RORB: variants seen among roughly 807,000 people sequenced by gnomAD.
The protein encoded by RORB is nuclear receptor ROR-beta.
Under a neutral mutation model 59.1 loss-of-function variants are expected in RORB, and 6 were observed. The ratio of observed to expected loss-of-function variants is 0.10; its 90% CI spans 0.06 to 0.20. The LOEUF (loss-of-function observed/expected upper bound fraction) is 0.20. Among genes scored for constraint, RORB ranks in the 10% least tolerant of loss-of-function variants. The probability of loss-of-function intolerance (pLI) is 1.00; values close to 1 mark genes in which losing one functional copy is unlikely to be tolerated. For missense variants in RORB, 320 were observed against 560.5 expected (o/e 0.57, Z 4.33); for synonymous variants, 215 against 204.5 (o/e 1.05, Z -0.44).
intron 1 of RORB, among the ~76,000 whole-genome samples, chr9:74,540,757 C>T (rs1033866003): frequency 6.6e-6 from 1 of 152,056 alleles, no homozygotes; most frequent in African/African-American, 2.4e-5. Flanking sequence ...CTTTTAGAAA[C>T]AATGCTTCAT....
chr9:74,641,802 G>A (rs1823811413), intron 3 of RORB, among the ~76,000 whole-genome samples: 1 of 152,044 alleles, frequency 6.6e-6, no homozygotes, highest in Admixed American at 6.5e-5. Context: ...AGCTACTCAG[G>A]AGGCCAAGGT....
At chr9:74,640,033 C>T (rs1240090027) in intron 3 of RORB, among the ~76,000 whole-genome samples, 1 of 152,138 alleles carries the variant, frequency 6.6e-6, no homozygotes, top group Admixed American at 6.5e-5. Flanking sequence ...AAGGTAGTGT[C>T]TCTACAAACA....
intron 1 of RORB, among the ~76,000 whole-genome samples, chr9:74,550,320 G>A (rs1826587216): frequency 6.6e-6 from 1 of 152,134 alleles, no homozygotes; most frequent in South Asian, 2.1e-4. Context: ...TTTTGGGAAA[G>A]ACACACTTTT....
At chr9:74,573,961 G>C (rs1042107754) in intron 1 of RORB, among the ~76,000 whole-genome samples, 1 of 152,078 alleles carries the variant, frequency 6.6e-6, no homozygotes, top group Non-Finnish European at 1.5e-5. Context: ...GTTTCAGTAA[G>C]GCTAGAGGCA....
chr9:74,509,323 TA>T (rs1483460575), intron 1 of RORB, among the ~76,000 whole-genome samples: 2 of 152,094 alleles, frequency 1.3e-5, no homozygotes, highest in Non-Finnish European at 2.9e-5. Context: ...TTTCCATAAT[TA>T]TTCCCTGGAA....
intron 1 of RORB, among the ~76,000 whole-genome samples, chr9:74,567,097 G>A (rs892715665): frequency 2.6e-5 from 4 of 151,320 alleles, no homozygotes; most frequent in African/African-American, 7.3e-5. Flanking sequence ...GCGTGATCTC[G>A]GCTCACTACA....
At chr9:74,509,188 G>A (rs191201809) in intron 1 of RORB, among the ~76,000 whole-genome samples, 280 of 151,998 alleles carry the variant, frequency 1.8e-3, no homozygotes, top group African/African-American at 6.6e-3. Flanking sequence ...AATGATAATG[G>A]CATTTACCAA....
chr9:74,543,513 C>T (rs1826444480), intron 1 of RORB, among the ~76,000 whole-genome samples: 1 of 152,138 alleles, frequency 6.6e-6, no homozygotes, highest in East Asian at 1.9e-4. Flanking sequence ...TATTCTAGCC[C>T]TGACTTCAGG....
chr9:74,657,626 G>A (rs188673627), intron 4 of RORB, among the ~76,000 whole-genome samples: 18 of 152,210 alleles, frequency 1.2e-4, no homozygotes, highest in African/African-American at 4.3e-4. Flanking sequence ...GACTAAGTTA[G>A]CCACTTTCTT....
chr9:74,585,783 G>GATATTTATTTATTTATTTATTTAT (rs1822788962), intron 1 of RORB, among the ~76,000 whole-genome samples: 1 of 33,884 alleles, frequency 3.0e-5, no homozygotes, highest in Non-Finnish European at 8.2e-5. Context: ...TTTCACAGGG[G>GATATTTATTTATTTATTTATTTAT]ATATTTATTT....
In RORB at chr9:74,555,750, A is replaced by G. The variant is rs79428902; in HGVS notation, c.7+57767A>G. ...GGGCTCAGGGGTTGGCAGCAGCTGC[A>G]AATAAGAACTAATAATGTTTCATTC... On this transcript the variant is annotated intron_variant, in intron 1 of 9. Transcript: ENST00000376896. Among the ~76,000 whole-genome samples, 124 of 152,320 alleles carry G rather than the reference A, an allele frequency of 8.1e-4. 3 individuals carry two copies. In the East Asian group the frequency reaches 0.019, roughly 23 times the overall value.
At chr9:74,576,292 C>G (rs1587366622) in intron 1 of RORB, among the ~76,000 whole-genome samples, 1 of 152,042 alleles carries the variant, frequency 6.6e-6, no homozygotes, top group South Asian at 2.1e-4. Flanking sequence ...CCATGTACAC[C>G]CATCCTGGCT....
chr9:74,579,403 C>A (rs1455346086), intron 1 of RORB, among the ~76,000 whole-genome samples: 1 of 152,008 alleles, frequency 6.6e-6, no homozygotes, highest in East Asian at 1.9e-4. Flanking sequence ...AAGTTGCTGG[C>A]AGCATCTTTG....
At chr9:74,597,341 A>G (rs1157336366) in intron 1 of RORB, among the ~76,000 whole-genome samples, 1 of 152,248 alleles carries the variant, frequency 6.6e-6, no homozygotes, top group Non-Finnish European at 1.5e-5. Flanking sequence ...TCTTGGCTCT[A>G]TAACTGAAAA....
chr9:74,657,202 T>G (rs1391252057), intron 4 of RORB, among the ~76,000 whole-genome samples: 1 of 152,032 alleles, frequency 6.6e-6, no homozygotes, highest in South Asian at 2.1e-4. Flanking sequence ...CCCGCCACCA[T>G]GCCCAGCTAA....
chr9:74,641,212 T>G (rs1341866019), intron 3 of RORB, among the ~76,000 whole-genome samples: 1 of 144,964 alleles, frequency 6.9e-6, no homozygotes, highest in Non-Finnish European at 1.5e-5. Flanking sequence ...TGACTCAGGA[T>G]GTTCACATCC....
chr9:74,679,023 C>T (rs1220141839), intron 9 of RORB, among the ~76,000 whole-genome samples: 7 of 136,156 alleles, frequency 5.1e-5, no homozygotes, highest in African/African-American at 1.2e-4. Context: ...CAGAACAAGA[C>T]TCTGTCTCAA....
At chr9:74,623,237 G>T (rs1019594629) in intron 1 of RORB, among the ~76,000 whole-genome samples, 1 of 152,130 alleles carries the variant, frequency 6.6e-6, no homozygotes, top group East Asian at 1.9e-4. Flanking sequence ...AGCCACAACC[G>T]CAAGAGTGAG....
chr9:74,584,342 C>A (rs1213457982), intron 1 of RORB, among the ~76,000 whole-genome samples: 3 of 152,224 alleles, frequency 2.0e-5, no homozygotes, highest in Non-Finnish European at 2.9e-5. Flanking sequence ...TAACCTTGGG[C>A]AAAATATTTA....
Sources: allele counts gnomAD v4.1 joint callset (sites outside exome capture counted in the v4.1 genomes callset), GRCh38; gene constraint gnomAD v4.1.1; transcripts MANE v1.5; gene names NCBI Gene and HGNC (gene_info 2026-07-23, HGNC 2026-07-21).